KIF4A: variants seen among roughly 807,000 people sequenced by gnomAD.
KIF4A encodes the protein chromosome-associated kinesin KIF4A.
A neutral mutation model predicts 105.9 loss-of-function variants in KIF4A; 7 were observed. That is an observed-to-expected ratio of 0.07 (90% CI 0.04 to 0.12). KIF4A has a LOEUF of 0.12. Ranked by LOEUF, KIF4A falls within the 10% of genes least tolerant of loss-of-function variation. The pLI is 1.00. For synonymous variants in KIF4A, 281 were observed against 331.3 expected (o/e 0.85, Z 1.65); for missense variants, 558 against 929.2 (o/e 0.60, Z 5.19).
At chrX:70,358,868 A>G (rs1410740758) in intron 15 of KIF4A, among the ~76,000 whole-genome samples, 2 of 112,417 alleles carry the variant, frequency 1.8e-5, no homozygotes, top group Non-Finnish European at 3.8e-5. Context: ...CCATCATTCT[A>G]GTAACCCAGA....
At chrX:70,337,406 C>T (rs1431959016) in intron 10 of KIF4A, among the ~76,000 whole-genome samples, 1 of 111,848 alleles carries the variant, frequency 8.9e-6, no homozygotes, top group Non-Finnish European at 1.9e-5. Flanking sequence ...CGTGGTGGCT[C>T]ATGCCTGTAA....
rs768252409 is a variant in KIF4A at position 70,395,816 on chromosome X, C to T, written c.2378C>T (p.Pro793Leu). ...EKKESGENPP[P>L]KLRRRTFSLT... is the part of the protein sequence containing the mutation. ...AAGGAATCTGGGGAGAATCCACCTC[C>T]TAAACTCCGGGTAAGTACGCTTATG... is the stretch of plus-strand genomic sequence containing the variant. Residue 793 changes from proline (P) to leucine (L), a missense_variant, in exon 21 of 31, where the codon CCT becomes CTT. Pro to Leu is a moderately conservative substitution (Grantham distance 98, BLOSUM62 -3). This residue lies in a region of KIF4A where 469 missense variants were observed against 680.4 expected (regional missense o/e 0.69). Transcript: ENST00000374403. 2 of 1,211,505 alleles carry T rather than the reference C, an allele frequency of 1.7e-6. No individual in the cohort carries two copies. Among genetic ancestry groups the T allele is most frequent in the South Asian group, 3.5e-5 (2 of 56,933 alleles).
intron 13 of KIF4A, among the ~76,000 whole-genome samples, chrX:70,344,620 G>T (rs1250566068): frequency 9.0e-6 from 1 of 110,967 alleles, no homozygotes; most frequent in South Asian, 3.8e-4. Flanking sequence ...CATTGAAATC[G>T]TACTATAACA....
chrX:70,368,652 T>G (rs1387236421), intron 15 of KIF4A, among the ~76,000 whole-genome samples: 1 of 112,009 alleles, frequency 8.9e-6, no homozygotes, highest in African/African-American at 3.3e-5. Context: ...GGTGTCAGTC[T>G]GCCCCTCCTG....
Position 70,403,929 on chromosome X carries a change from T to G in KIF4A, c.2685T>G (p.Cys895Trp). The G allele has an allele frequency of 3.3e-6, 4 of 1,211,256 alleles. No homozygotes were observed. Among genetic ancestry groups the G allele is most frequent in the Non-Finnish European group, 4.5e-6 (4 of 895,222 alleles). Residue 895 changes from cysteine (C) to tryptophan (W), a missense_variant, in exon 24 of 31, where the codon TGT (cysteine) becomes TGG (tryptophan). Physicochemically the swap from Cys to Trp is radical, Grantham distance 215. Around this residue, in one of 2 missense-constraint regions of KIF4A, gnomAD observed 469 missense variants for 680.4 expected, o/e 0.69. Coordinates refer to ENST00000374403, the MANE Select transcript of KIF4A (RefSeq NM_012310.5). ...ESSLKQSKTS[C>W]ADMQKMLFEE... ...GCCTGAAACAGAGCAAGACCAGCTG[T>G]GCTGACATGCAGAAGATGCTGTTTG...
At chrX:70,353,517 G>A (rs1306734077) in intron 14 of KIF4A, 105 bp from the exon 15 acceptor site, 2 of 660,272 alleles carry the variant, frequency 3.0e-6, no homozygotes, top group African/African-American at 4.4e-5. Flanking sequence ...TAAAGGAACA[G>A]AGATATTGTT....
chrX:70,370,646 G>A (rs2086127320), intron 15 of KIF4A, among the ~76,000 whole-genome samples: 1 of 110,101 alleles, frequency 9.1e-6, no homozygotes, highest in Middle Eastern at 4.7e-3. Flanking sequence ...TTTTAAATAT[G>A]CAGGGTAGTT....
At chrX:70,372,427 G>A (rs952757023) in intron 15 of KIF4A, among the ~76,000 whole-genome samples, 53 of 113,161 alleles carry the variant, frequency 4.7e-4, no homozygotes, top group Non-Finnish European at 9.4e-4. Flanking sequence ...GATCACTCAC[G>A]GTTAGGAGCT....
At chrX:70,368,586 C>T (rs751473445) in intron 15 of KIF4A, among the ~76,000 whole-genome samples, 2 of 111,834 alleles carry the variant, frequency 1.8e-5, no homozygotes, top group Admixed American at 9.5e-5. Context: ...CACCAAATGT[C>T]GCTGCCTGAT....
chrX:70,368,045 G>A (rs1202809080), intron 15 of KIF4A, among the ~76,000 whole-genome samples: 6 of 111,691 alleles, frequency 5.4e-5, no homozygotes, highest in African/African-American at 3.3e-5. Context: ...GATCACGTCG[G>A]CTACTGAGGC....
At chrX:70,312,140 C>CTTTTTTTTTTTT (rs527848699) in intron 7 of KIF4A, among the ~76,000 whole-genome samples, 1 of 78,087 alleles carries the variant, frequency 1.3e-5, no homozygotes, top group Admixed American at 1.5e-4. Flanking sequence ...TTTTAAATGT[C>CTTTTTTTTTTTT]TTTTTTTTTT....
At chrX:70,401,059 G>C (rs368474775) in intron 22 of KIF4A, among the ~76,000 whole-genome samples, 1 of 105,281 alleles carries the variant, frequency 9.5e-6, no homozygotes, top group Non-Finnish European at 1.9e-5. Flanking sequence ...GAGCCACCGC[G>C]CCCCGCCAAT....
At chrX:70,365,791 T>C (rs1332856957) in intron 15 of KIF4A, among the ~76,000 whole-genome samples, 3 of 111,875 alleles carry the variant, frequency 2.7e-5, no homozygotes, top group Non-Finnish European at 5.6e-5. Context: ...TCTTTTTCTA[T>C]TGATTGGAAT....
chrX:70,373,358 G>A (rs1267224956), intron 15 of KIF4A, among the ~76,000 whole-genome samples: 1 of 92,907 alleles, frequency 1.1e-5, no homozygotes. Context: ...AGGAGGGAGG[G>A]AGGGAAAAGA....
chrX:70,349,540 C>T (rs1230418075), intron 13 of KIF4A, among the ~76,000 whole-genome samples: 14 of 89,330 alleles, frequency 1.6e-4, no homozygotes, highest in African/African-American at 5.7e-4. Flanking sequence ...TCAGACCGGG[C>T]AGCCGGGCAG....
intron 15 of KIF4A, among the ~76,000 whole-genome samples, chrX:70,366,481 T>C: frequency 8.9e-6 from 1 of 112,248 alleles, no homozygotes; most frequent in East Asian, 2.8e-4. Context: ...AAGAACATCT[T>C]TATTTCTGCC....
At chrX:70,416,334 T>C (rs1301217377) in intron 28 of KIF4A, among the ~76,000 whole-genome samples, 1 of 106,227 alleles carries the variant, frequency 9.4e-6, no homozygotes, top group Non-Finnish European at 1.9e-5. Flanking sequence ...CTAGGCCCTT[T>C]TCTGCACAGT....
chrX:70,392,892 G>A lies in KIF4A; in HGVS notation c.2233-2779G>A, dbSNP rs976415957. ...TATTATTATTTTGAGACGGAGTCTC[G>A]CTCTGTCACCCAGGCTGGAGTGCAG... is the stretch of plus-strand genomic sequence containing the variant. On this transcript the variant is annotated intron_variant, in intron 20 of 30. Coordinates refer to ENST00000374403, the MANE Select transcript of KIF4A (RefSeq NM_012310.5). 5.2e-4 allele frequency among the ~76,000 whole-genome samples: 55 copies of A among 105,455 alleles called. 2 individuals carry two copies. The highest frequency in any genetic ancestry group is 1.7e-3 in the African/African-American group (49 of 29,267). The allele number at this position is 105,455 out of a possible 115,157, so 91.6% of individuals were successfully genotyped here.
chrX:70,410,771 G>A (rs372690619), intron 28 of KIF4A, among the ~76,000 whole-genome samples: 8 of 111,870 alleles, frequency 7.2e-5, no homozygotes, highest in East Asian at 2.8e-4. Context: ...ATGCTTGCTC[G>A]CCTGCAGCTC....
Sources: allele counts gnomAD v4.1 joint callset (sites outside exome capture counted in the v4.1 genomes callset), GRCh38; gene constraint gnomAD v4.1.1; regional missense constraint gnomAD v4.1.1; transcripts MANE v1.5; gene names NCBI Gene and HGNC (gene_info 2026-07-23, HGNC 2026-07-21).